The following LRBA variants were observed in gnomAD, a reference collection of about 807,000 sequenced individuals.
LRBA encodes the protein lipopolysaccharide-responsive and beige-like anchor protein.
LRBA carries 176 observed loss-of-function variants against 330.0 expected under a neutral mutation model. That is an observed-to-expected ratio of 0.53 (90% CI 0.47 to 0.60). The LOEUF (loss-of-function observed/expected upper bound fraction) is 0.60. Ranked by LOEUF, LRBA falls within the 20% of genes least tolerant of loss-of-function variation. The probability of loss-of-function intolerance (pLI) is 0.00; values close to 1 mark genes in which losing one functional copy is unlikely to be tolerated. For synonymous variants in LRBA, 1,230 were observed against 1,193.0 expected, an observed-to-expected ratio of 1.03 and a Z score of -0.64; for missense variants, 3,259 against 3,444.8, an observed-to-expected ratio of 0.95 and a Z score of 1.35.
chr4:150,844,213 T>C lies in LRBA; in HGVS notation c.4462-6A>G, dbSNP rs1332207515. On this transcript the variant is annotated splice_region_variant and splice_polypyrimidine_tract_variant and intron_variant, in intron 27 of 56. Transcript: ENST00000651943. Reference sequence around the variant, plus strand: ...GTCACAATGTCCACTGGGCTCTATTTAAGATTAAAAAAAAATTGTATATAT... The same window carrying C: ...GTCACAATGTCCACTGGGCTCTATTCAAGATTAAAAAAAAATTGTATATAT... 6.7e-7 allele frequency: 1 copy of C among 1,501,048 alleles called. No individual in the cohort carries two copies. The highest frequency in any genetic ancestry group is 1.7e-4 in the Middle Eastern group (1 of 5,742). 93.0% of individuals were successfully genotyped at this position (1,501,048 alleles called of 1,614,324 possible). A position where few individuals can be genotyped will look rare whatever the true frequency, so the allele number is the denominator to read the frequency against.
At chr4:150,661,890 G>T (rs1425107137) in intron 37 of LRBA, among the ~76,000 whole-genome samples, 1 of 152,124 alleles carries the variant, frequency 6.6e-6, no homozygotes, top group Non-Finnish European at 1.5e-5. Context: ...AAACTGCTGG[G>T]ATTACAGGCA....
intron 37 of LRBA, among the ~76,000 whole-genome samples, chr4:150,653,214 T>C (rs1246528718): frequency 1.3e-5 from 2 of 152,124 alleles, no homozygotes; most frequent in Non-Finnish European, 2.9e-5. Context: ...TGTGGTTATA[T>C]AAGTTACAGT....
At chr4:150,333,646 T>G (rs1331440777) in intron 48 of LRBA, among the ~76,000 whole-genome samples, 1 of 152,216 alleles carries the variant, frequency 6.6e-6, no homozygotes, top group Non-Finnish European at 1.5e-5. Flanking sequence ...TCCCTTCAGA[T>G]GTTTGAACTT....
chr4:150,661,516 TA>T (rs570232789), intron 37 of LRBA, among the ~76,000 whole-genome samples: 15 of 148,470 alleles, frequency 1.0e-4, no homozygotes, highest in Non-Finnish European at 1.6e-4. Context: ...CTTTTACAAA[TA>T]AAAAAAACTT....
intron 48 of LRBA, among the ~76,000 whole-genome samples, chr4:150,337,450 T>C (rs1734906466): frequency 6.6e-6 from 1 of 152,230 alleles, no homozygotes; most frequent in South Asian, 2.1e-4. Flanking sequence ...CTGACAACTT[T>C]GATGCTCATT....
At chr4:150,870,274 G>A (rs1168946842) in intron 20 of LRBA, among the ~76,000 whole-genome samples, 2 of 152,114 alleles carry the variant, frequency 1.3e-5, no homozygotes, top group African/African-American at 2.4e-5. Flanking sequence ...CTGAAAGTCT[G>A]AACATATATT....
intron 46 of LRBA, chr4:150,422,531 A>G: frequency 2.4e-6 from 1 of 418,166 alleles, no homozygotes; most frequent in Non-Finnish European, 4.4e-6. Flanking sequence ...TAATACTGGC[A>G]CTCCTGACCC....
rs988794199 is a variant in LRBA at position 150,325,667 on chromosome 4, G to A, written c.7452+142C>T. 4.8e-6 allele frequency: 3 copies of A among 625,078 alleles called. No individual in the cohort carries two copies. In the African/African-American group the frequency reaches 5.5e-5, roughly 11 times the overall value. The allele number at this position is 625,078 out of a possible 1,614,324, so 38.7% of individuals were successfully genotyped here. A position where few individuals can be genotyped will look rare whatever the true frequency, so the allele number is the denominator to read the frequency against. ...GGAGACAATGCAATAACATCTGCTGGTTGTTAGCAGGTTAACAAATATTGC... is the reference window on the plus strand; with the variant it reads ...GGAGACAATGCAATAACATCTGCTGATTGTTAGCAGGTTAACAAATATTGC... On this transcript the variant is annotated intron_variant, in intron 49 of 56. Coordinates refer to ENST00000651943, the MANE Select transcript of LRBA (RefSeq NM_001364905.1).
At chr4:150,891,434 T>G (rs925485340) in intron 17 of LRBA, among the ~76,000 whole-genome samples, 4 of 152,244 alleles carry the variant, frequency 2.6e-5, no homozygotes, top group Non-Finnish European at 5.9e-5. Context: ...GTCAAATATT[T>G]TTCTAGATGT....
intron 48 of LRBA, among the ~76,000 whole-genome samples, chr4:150,342,933 G>A (rs1425948848): frequency 6.6e-6 from 1 of 151,024 alleles, no homozygotes; most frequent in Non-Finnish European, 1.5e-5. Context: ...CATGATTGTG[G>A]TTTTGCAGAA....
chr4:150,799,758 T>A (rs562923545), intron 33 of LRBA, among the ~76,000 whole-genome samples: 26 of 152,270 alleles, frequency 1.7e-4, no homozygotes, highest in South Asian at 8.3e-4. Flanking sequence ...ATATATATAT[T>A]TTTTGAGACG....
chr4:150,293,102 A>G (rs1341043061), intron 53 of LRBA, among the ~76,000 whole-genome samples: 1 of 152,182 alleles, frequency 6.6e-6, no homozygotes. Context: ...TATAGATAAA[A>G]AACAAAAATA....
At chr4:150,749,328 G>A (rs2126370789) in intron 35 of LRBA, among the ~76,000 whole-genome samples, 1 of 152,268 alleles carries the variant, frequency 6.6e-6, no homozygotes, top group African/African-American at 2.4e-5. Context: ...CCAACACTTT[G>A]GGAGGCTAAA....
chr4:150,693,337 G>GCGGATCA (rs1410452501), intron 36 of LRBA, among the ~76,000 whole-genome samples: 9 of 152,122 alleles, frequency 5.9e-5, no homozygotes, highest in Middle Eastern at 3.4e-3. Context: ...GCCGAGGTGG[G>GCGGATCA]CGGATCACGA....
chr4:150,689,342 G>A (rs544812562), intron 36 of LRBA, among the ~76,000 whole-genome samples: 29 of 152,164 alleles, frequency 1.9e-4, no homozygotes, highest in African/African-American at 6.0e-4. Flanking sequence ...ATAGCATTAA[G>A]AGAAATACCT....
At position 150,274,609 on chromosome 4, in the gene LRBA, G is replaced by T. The variant is rs143838236; in HGVS notation, c.8468+3244C>A. On this transcript the variant is annotated intron_variant, in intron 56 of 56. Coordinates refer to ENST00000651943, the MANE Select transcript of LRBA (RefSeq NM_001364905.1). Reference sequence around the variant, plus strand: ...TATACACAATAAAAAATGATAAAGGGGTTATCACCACTGATCACACAGAAA... The same window carrying T: ...TATACACAATAAAAAATGATAAAGGTGTTATCACCACTGATCACACAGAAA... Among the ~76,000 whole-genome samples the T allele has an allele frequency of 5.2e-3, 791 of 152,076 alleles. 19 individuals carry two copies. The highest frequency in any genetic ancestry group is 0.041 in the Admixed American group (627 of 15,266).
At chr4:150,312,340 T>C (rs1731183155) in intron 51 of LRBA, among the ~76,000 whole-genome samples, 1 of 152,042 alleles carries the variant, frequency 6.6e-6, no homozygotes, top group Non-Finnish European at 1.5e-5. Context: ...GATACACAGG[T>C]TCAGAAGTTA....
At chr4:150,620,696 A>C (rs1776209560) in intron 37 of LRBA, among the ~76,000 whole-genome samples, 1 of 152,218 alleles carries the variant, frequency 6.6e-6, no homozygotes, top group African/African-American at 2.4e-5. Context: ...TAAGAGAAGT[A>C]ACTGAGGAAT....
At chr4:150,462,745 C>T (rs1193724530) in intron 44 of LRBA, among the ~76,000 whole-genome samples, 5 of 151,808 alleles carry the variant, frequency 3.3e-5, no homozygotes. Flanking sequence ...ATATTATCCA[C>T]TTAAGAACGG....
Sources: allele counts gnomAD v4.1 joint callset (sites outside exome capture counted in the v4.1 genomes callset), GRCh38; gene constraint gnomAD v4.1.1; transcripts MANE v1.5; gene names NCBI Gene and HGNC (gene_info 2026-07-23, HGNC 2026-07-21).